PALM2AKAP2: variants seen among roughly 807,000 people sequenced by gnomAD.
PALM2AKAP2 encodes the protein PALM2-AKAP2 fusion protein.
In PALM2AKAP2, 37 loss-of-function variants were observed where a neutral mutation model predicts 71.5. The observed-to-expected ratio is 0.52, with a 90% confidence interval of 0.40 to 0.68. The LOEUF is 0.68. Ranked by LOEUF, PALM2AKAP2 falls within the 30% of genes least tolerant of loss-of-function variation. The pLI is 0.00. For synonymous variants in PALM2AKAP2, 468 were observed against 478.8 expected, an observed-to-expected ratio of 0.98 and a Z score of 0.29; for missense variants, 1,224 against 1,191.8, an observed-to-expected ratio of 1.03 and a Z score of -0.40.
At chr9:109,733,154 G>A (rs1412081927) in intron 1 of PALM2AKAP2, among the ~76,000 whole-genome samples, 1 of 152,158 alleles carries the variant, frequency 6.6e-6, no homozygotes, top group Non-Finnish European at 1.5e-5. Flanking sequence ...AAGGAAGAAT[G>A]AGGAAACTAG....
At chr9:109,850,167 C>T (rs1390436693) in intron 1 of PALM2AKAP2, among the ~76,000 whole-genome samples, 5 of 152,098 alleles carry the variant, frequency 3.3e-5, no homozygotes, top group African/African-American at 4.8e-5. Context: ...CTGTTGCCTG[C>T]GATTCAAAGC....
At chr9:109,765,377 A>G (rs1406951453) in intron 1 of PALM2AKAP2, 3 of 152,366 alleles carry the variant, frequency 2.0e-5, no homozygotes, top group Non-Finnish European at 4.4e-5. Context: ...TACTAGTAAG[A>G]AGAGTTCAGC....
intron 3 of PALM2AKAP2, among the ~76,000 whole-genome samples, chr9:109,916,702 G>A (rs2131919854): frequency 6.6e-6 from 1 of 152,314 alleles, no homozygotes; most frequent in East Asian, 1.9e-4. Context: ...GTTGAGAATT[G>A]CATTCAGCTA....
At chr9:109,831,572 G>T (rs768466616) in intron 1 of PALM2AKAP2, among the ~76,000 whole-genome samples, 2 of 152,218 alleles carry the variant, frequency 1.3e-5, no homozygotes. Context: ...GGAGTCGTTT[G>T]CAGGCCTTTA....
rs138927774 is a variant in PALM2AKAP2 at position 110,137,349 on chromosome 9, C to T, written c.1379C>T (p.Pro460Leu). 351 of 1,614,162 alleles carry T rather than the reference C, an allele frequency of 2.2e-4. No individual in the cohort carries two copies. The highest frequency in any genetic ancestry group is 5.2e-4 in the Admixed American group (31 of 60,018). ...AACTCAGACAAGCCACTGACTAATC[C>T]GAGACCACCTTCTGTCGGGGGACCT... The change falls in exon 2 of 4, where the codon CCG becomes CTG. Residue 460 changes from proline to leucine, a missense_variant. By Grantham distance (98) the Pro-to-Leu change is moderately conservative (BLOSUM62 -3). Transcript: ENST00000374525.
At chr9:109,752,152 A>C (rs1828895823) in intron 1 of PALM2AKAP2, among the ~76,000 whole-genome samples, 1 of 152,064 alleles carries the variant, frequency 6.6e-6, no homozygotes, top group African/African-American at 2.4e-5. Context: ...GAGTCCAGAA[A>C]ATTTTAGTGC....
intron 1 of PALM2AKAP2, among the ~76,000 whole-genome samples, chr9:109,855,089 G>A (rs529979617): frequency 1.4e-5 from 2 of 143,022 alleles, no homozygotes; most frequent in South Asian, 2.2e-4. Flanking sequence ...TTTTGGGGTG[G>A]GGGAAACAGG....
In PALM2AKAP2 at chr9:109,930,481, C is replaced by A. The variant is rs369286072; in HGVS notation, c.395-1446C>A. Among the ~76,000 whole-genome samples, 17 of 152,366 alleles carry A rather than the reference C, an allele frequency of 1.1e-4. No individual in the cohort carries two copies. In the East Asian group the frequency reaches 2.9e-3, roughly 26 times the overall value. ...CCTCAGGTGATCCACCCGCCTTGGT[C>A]TCCCAAAGTGCTGGGATTACAGGCA... On this transcript the variant is annotated intron_variant, in intron 5 of 9. Transcript: ENST00000302798.
chr9:109,823,858 C>CT (rs1341332655), intron 1 of PALM2AKAP2, among the ~76,000 whole-genome samples: 1 of 152,140 alleles, frequency 6.6e-6, no homozygotes, highest in Non-Finnish European at 1.5e-5. Context: ...AAGTATTTTG[C>CT]TCCAGTTTGT....
chr9:109,930,359 G>A (rs1269402437), intron 5 of PALM2AKAP2, among the ~76,000 whole-genome samples: 1 of 152,022 alleles, frequency 6.6e-6, no homozygotes, highest in Non-Finnish European at 1.5e-5. Context: ...TCTAGTAGCT[G>A]GGACTACAGG....
At chr9:109,812,659 C>A (rs1827755066) in intron 1 of PALM2AKAP2, among the ~76,000 whole-genome samples, 1 of 152,228 alleles carries the variant, frequency 6.6e-6, no homozygotes, top group African/African-American at 2.4e-5. Context: ...CTAGACTTAA[C>A]ATAAATCAGG....
At chr9:109,801,401 G>T (rs1356436438) in intron 1 of PALM2AKAP2, among the ~76,000 whole-genome samples, 3 of 152,208 alleles carry the variant, frequency 2.0e-5, no homozygotes, top group Non-Finnish European at 4.4e-5. Context: ...TGCTTAGAAA[G>T]GTGGATTCCA....
chr9:109,964,012 C>T (rs1482833741), intron 6 of PALM2AKAP2, among the ~76,000 whole-genome samples: 3 of 152,206 alleles, frequency 2.0e-5, no homozygotes, highest in Non-Finnish European at 2.9e-5. Flanking sequence ...CAATATGGGA[C>T]ACGCAGGAAT....
At chr9:109,911,126 A>G (rs1339439957) in intron 3 of PALM2AKAP2, among the ~76,000 whole-genome samples, 1 of 152,124 alleles carries the variant, frequency 6.6e-6, no homozygotes, top group Non-Finnish European at 1.5e-5. Flanking sequence ...CAGAGGCTGG[A>G]GGTCAGAAGG....
chr9:110,145,214 A>C (rs1454444252), intron 2 of PALM2AKAP2, among the ~76,000 whole-genome samples: 1 of 152,172 alleles, frequency 6.6e-6, no homozygotes, highest in Non-Finnish European at 1.5e-5. Flanking sequence ...GTGCTTCCCT[A>C]GTGACCCAGG....
upstream of PALM2AKAP2, among the ~76,000 whole-genome samples, chr9:110,047,297 T>C (rs561860663): frequency 1.3e-5 from 2 of 152,334 alleles, no homozygotes; most frequent in Admixed American, 1.3e-4. Context: ...CATTGTAGAC[T>C]TCATCCTCTT....
intron 1 of PALM2AKAP2, among the ~76,000 whole-genome samples, chr9:109,834,497 T>C (rs1357651575): frequency 6.6e-6 from 1 of 152,274 alleles, no homozygotes; most frequent in Non-Finnish European, 1.5e-5. Flanking sequence ...TGTATTGGGA[T>C]GTGAAGTTGT....
rs1240717984 is a variant in PALM2AKAP2, at chr9:109,826,620, C to A, written c.46-40871C>A. Among the ~76,000 whole-genome samples the A allele has an allele frequency of 2.0e-5, 3 of 151,892 alleles. 1 individual carries two copies. Among genetic ancestry groups the A allele is most frequent in the African/African-American group, 2.4e-5 (1 of 41,294 alleles). ...TGTTTATGACTTAGGTAGTTTTTGC[C>A]TTGCAAAAGGGAGATAGGGAAAGAA... On this transcript the variant is annotated intron_variant, in intron 1 of 9. Coordinates refer to the PALM2AKAP2 transcript ENST00000302798.
At chr9:110,038,314 A>G (rs1482302654) in intron 7 of PALM2AKAP2, among the ~76,000 whole-genome samples, 3 of 151,322 alleles carry the variant, frequency 2.0e-5, no homozygotes, top group Non-Finnish European at 4.4e-5. Flanking sequence ...TGGGTGACAG[A>G]GTGACCCTGT....
Sources: allele counts gnomAD v4.1 joint callset (sites outside exome capture counted in the v4.1 genomes callset), GRCh38; gene constraint gnomAD v4.1.1; transcripts MANE v1.5; gene names NCBI Gene and HGNC (gene_info 2026-07-23, HGNC 2026-07-21).